The following C2orf92 variants were observed in gnomAD, a reference collection of about 807,000 sequenced individuals.
The protein encoded by C2orf92 is uncharacterized protein C2orf92.
upstream of C2orf92, chr2:97,664,145 G>A (rs1423932644): frequency 1.7e-5 from 4 of 242,096 alleles, no homozygotes; most frequent in Admixed American, 1.7e-4. Context: ...CCGGAGGCTG[G>A]CCAGCCAATT....
At chr2:97,665,127 A>C (rs1341982401), upstream of C2orf92, among the ~76,000 whole-genome samples, 1 of 152,226 alleles carries the variant, frequency 6.6e-6, no homozygotes, top group African/African-American at 2.4e-5. Context: ...ATTGGCATGC[A>C]GGTAGCCCCC....
chr2:97,679,619 A>G (rs1432460081), intron 3 of C2orf92, among the ~76,000 whole-genome samples: 1 of 152,052 alleles, frequency 6.6e-6, no homozygotes, highest in East Asian at 1.9e-4. Flanking sequence ...AGGTGGGGGG[A>G]TCACCTGAGG....
rs548053466 is a variant in C2orf92 at position 97,673,625 on chromosome 2, G to A, written c.47-831G>A. Among the ~76,000 whole-genome samples, 43 of 152,220 alleles carry A rather than the reference G, an allele frequency of 2.8e-4. No homozygotes were observed. In the South Asian group the frequency reaches 8.1e-3, roughly 29 times the overall value. On this transcript the variant is annotated intron_variant, in intron 1 of 7. Coordinates refer to ENST00000627399, the MANE Select transcript of C2orf92 (RefSeq NM_001351368.2). Reference sequence around the variant, plus strand: ...GGGCCCACTTCTTCCCCAGCAGGCCGAGCTCTTCCCCTCCTGTCTTCCCTG... The same window carrying A: ...GGGCCCACTTCTTCCCCAGCAGGCCAAGCTCTTCCCCTCCTGTCTTCCCTG...
At chr2:97,676,887 C>T (rs766988790) in intron 3 of C2orf92, among the ~76,000 whole-genome samples, 6 of 152,180 alleles carry the variant, frequency 3.9e-5, no homozygotes, top group Admixed American at 1.3e-4. Context: ...GGCTGTGACT[C>T]ATTCATCTAC....
chr2:97,672,985 A>G (rs1675462925), intron 1 of C2orf92, among the ~76,000 whole-genome samples: 1 of 152,240 alleles, frequency 6.6e-6, no homozygotes, highest in East Asian at 1.9e-4. Flanking sequence ...CAGGGAAGCC[A>G]GAAACCTGAG....
chr2:97,686,071 C>A (rs541097434), intron 3 of C2orf92, among the ~76,000 whole-genome samples: 7 of 152,312 alleles, frequency 4.6e-5, no homozygotes, highest in African/African-American at 1.7e-4. Flanking sequence ...AAGTCCAAGA[C>A]TGAGGGGCCA....
chr2:97,670,480 G>A (rs1373749851), intron 1 of C2orf92: 2 of 139,634 alleles, frequency 1.4e-5, no homozygotes, highest in East Asian at 4.0e-4. Context: ...CAACAGAGTG[G>A]GATCCTGTCT....
upstream of C2orf92, among the ~76,000 whole-genome samples, chr2:97,667,459 G>GTC (rs1298588905): frequency 7.2e-6 from 1 of 138,382 alleles, no homozygotes; most frequent in Non-Finnish European, 1.5e-5. Flanking sequence ...TTGAGATGGA[G>GTC]TCTCACTCTG....
chr2:97,694,177 C>A (rs898162192), intron 5 of C2orf92, among the ~76,000 whole-genome samples: 1 of 152,002 alleles, frequency 6.6e-6, no homozygotes, highest in African/African-American at 2.4e-5. Context: ...ACTGACATTT[C>A]ATTTTGCATA....
upstream of C2orf92, among the ~76,000 whole-genome samples, chr2:97,664,912 C>CT (rs1461871590): frequency 6.6e-6 from 1 of 152,162 alleles, no homozygotes; most frequent in Non-Finnish European, 1.5e-5. Flanking sequence ...AGAAAAGATC[C>CT]TTTTCCTTAT....
intron 7 of C2orf92, among the ~76,000 whole-genome samples, 181 bp downstream of exon 7, chr2:97,701,485 C>T (rs1484254171): frequency 3.9e-5 from 6 of 152,214 alleles, no homozygotes; most frequent in Non-Finnish European, 8.8e-5. Flanking sequence ...GGGTTTTCGG[C>T]ACAGCCTGGG....
chr2:97,666,706 G>A (rs1326200559), upstream of C2orf92, among the ~76,000 whole-genome samples: 1 of 151,794 alleles, frequency 6.6e-6, no homozygotes, highest in African/African-American at 2.4e-5. Context: ...AGCCGGGCAT[G>A]ATGTTGTGCG....
intron 3 of C2orf92, among the ~76,000 whole-genome samples, chr2:97,684,426 A>G (rs1302159903): frequency 6.6e-6 from 1 of 152,192 alleles, no homozygotes; most frequent in African/African-American, 2.4e-5. Flanking sequence ...GGAAGGTCAC[A>G]GGCAAAAGAA....
intron 5 of C2orf92, among the ~76,000 whole-genome samples, chr2:97,693,305 T>C (rs1322762871): frequency 2.6e-5 from 4 of 152,210 alleles, no homozygotes; most frequent in African/African-American, 9.6e-5. Context: ...TGCAAATATC[T>C]CCAAGATCCT....
intron 4 of C2orf92, among the ~76,000 whole-genome samples, chr2:97,689,375 G>A (rs767962239): frequency 6.6e-6 from 1 of 152,150 alleles, no homozygotes. Context: ...TGCACAACGT[G>A]GTTTGAGAGA....
At chr2:97,665,154 G>C (rs1675165785), upstream of C2orf92, among the ~76,000 whole-genome samples, 1 of 152,220 alleles carries the variant, frequency 6.6e-6, no homozygotes, top group Non-Finnish European at 1.5e-5. Context: ...ACTGGAGTCA[G>C]CTGCTTCAAG....
intron 5 of C2orf92, among the ~76,000 whole-genome samples, chr2:97,691,427 G>A (rs999070514): frequency 6.6e-6 from 1 of 152,202 alleles, no homozygotes; most frequent in Non-Finnish European, 1.5e-5. Context: ...CCTCAGGAGT[G>A]TGGGAAAGCG....
intron 3 of C2orf92, among the ~76,000 whole-genome samples, chr2:97,678,755 A>C (rs1242101742): frequency 6.6e-6 from 1 of 150,710 alleles, no homozygotes; most frequent in African/African-American, 2.4e-5. Context: ...AGATCACTTG[A>C]GCCCAGGAAT....
Position 97,690,260 on chromosome 2 carries a change from C to A in C2orf92, c.336C>A (p.Thr112=), listed in dbSNP as rs1676084780. Residue 112 remains threonine, a synonymous_variant, in exon 5 of 8, where the codon ACC becomes ACA. Transcript: ENST00000627399. ...TATTCATGTGTCTTATCAAAGGAAC[C>A]AGCATTGCTTGGAATTCTCCTAAAC... ...SITKTDMRKG[T]SIAWNSPKPE... is the part of the protein sequence containing the mutation. The A allele has an allele frequency of 2.5e-6, 1 of 398,976 alleles. No homozygotes were observed. The highest frequency in any genetic ancestry group is 4.4e-6 in the Non-Finnish European group (1 of 226,044). 24.7% of individuals were successfully genotyped at this position (398,976 alleles called of 1,614,324 possible).
Sources: gnomAD v4.1 joint callset for allele counts (sites outside exome capture counted in the v4.1 genomes callset) on GRCh38, gnomAD v4.1.1 for gene constraint, MANE v1.5 for transcripts, NCBI Gene and HGNC (gene_info 2026-07-23, HGNC 2026-07-21) for gene names.